Variants in STK24 observed in about 807,000 individuals in gnomAD.
STK24 encodes serine/threonine-protein kinase 24.
STK24 carries 21 observed loss-of-function variants against 55.6 expected under a neutral mutation model. That is an observed-to-expected ratio of 0.38 (90% CI 0.27 to 0.54). The LOEUF (loss-of-function observed/expected upper bound fraction) is 0.54. STK24 is among the 20% of genes least tolerant of loss of function. The pLI is 0.79. For synonymous variants in STK24, 200 were observed against 215.2 expected (o/e 0.93, Z 0.62); for missense variants, 383 against 538.4 (o/e 0.71, Z 2.86).
At chr13:98,536,223 G>A (rs1312727447) in intron 1 of STK24, among the ~76,000 whole-genome samples, 2 of 152,268 alleles carry the variant, frequency 1.3e-5, no homozygotes, top group South Asian at 4.1e-4. Context: ...GAGCAATCAA[G>A]ATACAATCTG....
rs1284458725 is a variant in STK24, at chr13:98,446,379, C to CTGACAT, written c.*6788_*6793dup. ...CCGAGGCCCTCAACTCTAGGGAAGA[C>CTGACAT]TGACATTATCATCCACTGAAGGACA... is the stretch of plus-strand genomic sequence containing the variant. On this transcript the variant is annotated 3_prime_UTR_variant, in exon 11 of 11. Coordinates refer to ENST00000539966, the MANE Select transcript of STK24 (RefSeq NM_001032296.4). 1.7e-6 allele frequency: 1 copy of CTGACAT among 603,110 alleles called. No homozygotes were observed. Among genetic ancestry groups the CTGACAT allele is most frequent in the African/African-American group, 1.9e-5 (1 of 53,832 alleles). The allele number at this position is 603,110 out of a possible 1,614,324, so 37.4% of individuals were successfully genotyped here. A position where few individuals can be genotyped will look rare whatever the true frequency, so the allele number is the denominator to read the frequency against.
In STK24 at chr13:98,573,996, C is replaced by T. The variant is rs1462999612; in HGVS notation, c.42+2749G>A. 4.6e-5 allele frequency among the ~76,000 whole-genome samples: 7 copies of T among 151,598 alleles called. No homozygotes were observed. In the East Asian group the frequency reaches 1.3e-3, roughly 29 times the overall value. ...TCCTTGCCTAGGCCACCTGAATTCA[C>T]TCTGCTTTATTTTTTTATTTTATTT... is the stretch of plus-strand genomic sequence containing the variant. On this transcript the variant is annotated intron_variant, in intron 1 of 10. Coordinates refer to ENST00000539966, the MANE Select transcript of STK24 (RefSeq NM_001032296.4).
chr13:98,447,848 A>C lies in STK24; in HGVS notation c.*5325T>G. On this transcript the variant is annotated 3_prime_UTR_variant, in exon 11 of 11. Coordinates refer to ENST00000539966, the MANE Select transcript of STK24 (RefSeq NM_001032296.4). ...TGACAGAGCCAGACCCTGTCTCAAA[A>C]AAAAAAGAAAAAGAAAAAAGGAAGG... 1 of 207,036 alleles carries C rather than the reference A, an allele frequency of 4.8e-6. No homozygotes were observed. Among genetic ancestry groups the C allele is most frequent in the South Asian group, 8.5e-5 (1 of 11,776 alleles). The allele number at this position is 207,036 out of a possible 1,614,324, so 12.8% of individuals were successfully genotyped here.
chr13:98,506,816 CGT>C (rs1268754739), intron 2 of STK24, among the ~76,000 whole-genome samples: 1 of 152,160 alleles, frequency 6.6e-6, no homozygotes, highest in Non-Finnish European at 1.5e-5. Context: ...ATACGGTGGC[CGT>C]GAGTAAGAAT....
intron 5 of STK24, among the ~76,000 whole-genome samples, chr13:98,470,962 T>C (rs990417412): frequency 2.6e-5 from 4 of 152,236 alleles, no homozygotes; most frequent in African/African-American, 7.2e-5. Flanking sequence ...AGGAACACAC[T>C]TGTAACTGGC....
chr13:98,484,860 T>C (rs1209048713), intron 2 of STK24, among the ~76,000 whole-genome samples: 1 of 152,040 alleles, frequency 6.6e-6, no homozygotes, highest in Non-Finnish European at 1.5e-5. Flanking sequence ...GATGGAGAAA[T>C]AACACAGCCT....
At chr13:98,458,241 A>G (rs1308425231) in intron 9 of STK24, among the ~76,000 whole-genome samples, 1 of 152,184 alleles carries the variant, frequency 6.6e-6, no homozygotes, top group Non-Finnish European at 1.5e-5. Flanking sequence ...GAGGCCCAAA[A>G]ACGTGAACTG....
At chr13:98,525,325 A>C (rs991133032) in intron 1 of STK24, among the ~76,000 whole-genome samples, 10 of 152,238 alleles carry the variant, frequency 6.6e-5, no homozygotes, top group Non-Finnish European at 1.5e-4. Context: ...CCTCAACCCC[A>C]CAGCCCGTGC....
At chr13:98,533,646 C>T (rs896372878) in intron 1 of STK24, among the ~76,000 whole-genome samples, 3 of 151,968 alleles carry the variant, frequency 2.0e-5, no homozygotes, top group Admixed American at 1.3e-4. Flanking sequence ...TGAGAACCCC[C>T]ATCTCTAAAA....
At chr13:98,472,795 TA>T (rs1424137684) in intron 5 of STK24, among the ~76,000 whole-genome samples, 1 of 152,108 alleles carries the variant, frequency 6.6e-6, no homozygotes, top group Non-Finnish European at 1.5e-5. Flanking sequence ...TGACCTTGGG[TA>T]AGTTTTAAAT....
intron 2 of STK24, among the ~76,000 whole-genome samples, chr13:98,491,033 G>A (rs1219786412): frequency 2.6e-5 from 4 of 152,176 alleles, no homozygotes; most frequent in Non-Finnish European, 5.9e-5. Context: ...GTCAGGCTAG[G>A]GTGGAGAGGG....
rs376012261 is a variant in STK24 at position 98,561,609 on chromosome 13, G to A, written c.42+15136C>T. On this transcript the variant is annotated intron_variant, in intron 1 of 10. Coordinates refer to ENST00000539966, the MANE Select transcript of STK24 (RefSeq NM_001032296.4). ...AGAAAGAAAGAAAGAAAGCAGCAAG[G>A]TTATTCTTTCTAACTTGTTTGGCCA... Among the ~76,000 whole-genome samples the A allele has an allele frequency of 3.3e-5, 5 of 152,024 alleles. No homozygotes were observed. In the South Asian group the frequency reaches 6.3e-4, roughly 19 times the overall value.
At chr13:98,567,395 C>G (rs1897613788) in intron 1 of STK24, among the ~76,000 whole-genome samples, 1 of 152,218 alleles carries the variant, frequency 6.6e-6, no homozygotes, top group South Asian at 2.1e-4. Context: ...GAAGCACATA[C>G]TCAATTCTGG....
In STK24 at chr13:98,475,326, G is replaced by T. The variant is rs187296189; in HGVS notation, c.363C>A (p.Ile121=). 6.2e-7 allele frequency: 1 copy of T among 1,612,592 alleles called. No individual in the cohort carries two copies. The highest frequency in any genetic ancestry group is 8.5e-7 in the Non-Finnish European group (1 of 1,179,544). ...TCAGTATTTCTCTTAATATAGTAGCGATCTGGGTTTCATCTAATGGGCCAG... is the reference window on the plus strand; with the variant it reads ...TCAGTATTTCTCTTAATATAGTAGCTATCTGGGTTTCATCTAATGGGCCAG... ...LEPGPLDETQ[I]ATILREILKG... is the part of the protein sequence containing the mutation. Residue 121 remains isoleucine, a synonymous_variant, in exon 4 of 11, where the codon ATC becomes ATA. Coordinates refer to ENST00000539966, the MANE Select transcript of STK24 (RefSeq NM_001032296.4).
At chr13:98,453,510 A>G in intron 10 of STK24, 1 of 355,008 alleles carries the variant, frequency 2.8e-6, no homozygotes, top group South Asian at 4.1e-5. Context: ...CAATTGTCAA[A>G]AAGTGAACAT....
chr13:98,487,050 T>C (rs1383451510), intron 2 of STK24, among the ~76,000 whole-genome samples: 1 of 152,192 alleles, frequency 6.6e-6, no homozygotes, highest in East Asian at 1.9e-4. Flanking sequence ...CTGAATAACC[T>C]GGTAAAACCA....
intron 1 of STK24, among the ~76,000 whole-genome samples, chr13:98,543,646 C>A (rs549986906): frequency 1.2e-4 from 18 of 152,298 alleles, no homozygotes; most frequent in African/African-American, 4.1e-4. Flanking sequence ...AGACCCCGCA[C>A]TGGGGCCCGG....
chr13:98,567,774 T>C (rs535893458), intron 1 of STK24, among the ~76,000 whole-genome samples: 11 of 151,864 alleles, frequency 7.2e-5, no homozygotes, highest in African/African-American at 2.4e-4. Flanking sequence ...AACTGAAGAA[T>C]AGCAACTTGG....
At chr13:98,499,611 G>C (rs565830059) in intron 2 of STK24, among the ~76,000 whole-genome samples, 4 of 152,158 alleles carry the variant, frequency 2.6e-5, no homozygotes, top group Admixed American at 6.5e-5. Flanking sequence ...AGAAGGAGAG[G>C]GGGCAGGCCA....
Sources: gnomAD v4.1 joint callset for allele counts (sites outside exome capture counted in the v4.1 genomes callset) on GRCh38, gnomAD v4.1.1 for gene constraint, MANE v1.5 for transcripts, NCBI Gene and HGNC (gene_info 2026-07-23, HGNC 2026-07-21) for gene names.